The following COL4A5 variants were observed in gnomAD, a reference collection of about 807,000 sequenced individuals.
The protein encoded by COL4A5 is collagen type IV alpha 5 chain, also known as collagen alpha-5(IV) chain.
A neutral mutation model predicts 130.2 loss-of-function variants in COL4A5; 26 were observed. That is an observed-to-expected ratio of 0.20 (90% CI 0.15 to 0.28). The LOEUF is 0.28. Among genes scored for constraint, COL4A5 ranks in the 10% least tolerant of loss-of-function variants. COL4A5 has a pLI of 1.00. For synonymous variants in COL4A5, 496 were observed against 439.6 expected (o/e 1.13, Z -1.60); for missense variants, 1,131 against 1,344.3 (o/e 0.84, Z 2.48).
At chrX:108,474,727 T>C (rs1382049170) in intron 1 of COL4A5, among the ~76,000 whole-genome samples, 1 of 112,091 alleles carries the variant, frequency 8.9e-6, no homozygotes, top group Non-Finnish European at 1.9e-5. Context: ...CTAGTAATTT[T>C]ATAGTTTCAG....
At chrX:108,447,145 C>G (rs1483995720) in intron 1 of COL4A5, among the ~76,000 whole-genome samples, 2 of 111,267 alleles carry the variant, frequency 1.8e-5, no homozygotes, top group African/African-American at 6.5e-5. Flanking sequence ...TCTCACCAGC[C>G]CCTGCACTGT....
At position 108,507,350 on chromosome X, in the gene COL4A5, G is replaced by A. The variant is rs143628990; in HGVS notation, c.82-32396G>A. ...ATATAGTTGCACACAAAATCTAGCAGCACAACAAAAAGCTAATCCACTGCA... is the reference window on the plus strand; with the variant it reads ...ATATAGTTGCACACAAAATCTAGCAACACAACAAAAAGCTAATCCACTGCA... On this transcript the variant is annotated intron_variant, in intron 1 of 52. Transcript: ENST00000328300. Among the ~76,000 whole-genome samples the A allele has an allele frequency of 1.0e-3, 111 of 110,170 alleles. 4 individuals are homozygous for A. The East Asian group carries it at 0.031, about 30-fold the overall frequency.
chrX:108,485,316 A>G (rs2064933782), intron 1 of COL4A5, among the ~76,000 whole-genome samples: 1 of 111,785 alleles, frequency 8.9e-6, no homozygotes, highest in Admixed American at 9.4e-5. Flanking sequence ...GTTGGTACCT[A>G]AAGTGCAAGC....
intron 2 of COL4A5, among the ~76,000 whole-genome samples, chrX:108,550,282 AT>A (rs1327246619): frequency 8.9e-6 from 1 of 111,855 alleles, no homozygotes; most frequent in Non-Finnish European, 1.9e-5. Context: ...AATTATTAAA[AT>A]TTTAGCAAAT....
chrX:108,603,124 G>T, intron 28 of COL4A5, 63 bp downstream of exon 28: 1 of 744,447 alleles, frequency 1.3e-6, no homozygotes, highest in Admixed American at 2.7e-5. Flanking sequence ...CTTATTTCTA[G>T]CTCTCTATTT....
Position 108,578,277 on chromosome X carries a change from T to C in COL4A5, c.688-14T>C, listed in dbSNP as rs758036865. 5 of 1,201,000 alleles carry C rather than the reference T, an allele frequency of 4.2e-6. No individual in the cohort carries two copies. The highest frequency in any genetic ancestry group is 4.3e-5 in the Admixed American group (2 of 46,053). On this transcript the variant is annotated splice_polypyrimidine_tract_variant and intron_variant, in intron 12 of 52. Coordinates refer to ENST00000328300, the MANE Select transcript of COL4A5 (RefSeq NM_033380.3). ...ATGAAGTATCACCACTGTCTTATTTTATCTTGCAAACAGGGTGAGCAAGGT... is the reference window on the plus strand; with the variant it reads ...ATGAAGTATCACCACTGTCTTATTTCATCTTGCAAACAGGGTGAGCAAGGT...
chrX:108,579,045 A>C (rs2066201747), intron 13 of COL4A5, among the ~76,000 whole-genome samples: 1 of 101,569 alleles, frequency 9.8e-6, no homozygotes, highest in South Asian at 4.8e-4. Context: ...CACCCATTTA[A>C]AGTGTACAAT....
At chrX:108,679,867 A>G (rs2068390579) in intron 44 of COL4A5, among the ~76,000 whole-genome samples, 1 of 112,076 alleles carries the variant, frequency 8.9e-6, no homozygotes, top group Non-Finnish European at 1.9e-5. Flanking sequence ...ACCACACACC[A>G]GTCTTCTAAG....
In COL4A5 at chrX:108,694,438, T is replaced by C; in HGVS notation, c.4707-369T>C. On this transcript the variant is annotated intron_variant, in intron 50 of 52. Transcript: ENST00000328300. Reference sequence around the variant, plus strand: ...CATTGTTCTTACCACAGTTTCAGCATTACTAAATGTCTCCCCTCCAATTGA... The same window carrying C: ...CATTGTTCTTACCACAGTTTCAGCACTACTAAATGTCTCCCCTCCAATTGA... 3 of 227,450 alleles carry C rather than the reference T, an allele frequency of 1.3e-5. No individual in the cohort carries two copies. The South Asian group carries it at 1.9e-4, about 14-fold the overall frequency. The allele number at this position is 227,450 out of a possible 1,213,427, so 18.7% of individuals were successfully genotyped here.
At chrX:108,526,360 T>G (rs1485754008) in intron 1 of COL4A5, among the ~76,000 whole-genome samples, 1 of 111,778 alleles carries the variant, frequency 8.9e-6, no homozygotes, top group Non-Finnish European at 1.9e-5. Context: ...AAAACATAAA[T>G]TTCCCCACTT....
chrX:108,471,386 A>G (rs866368822), intron 1 of COL4A5, among the ~76,000 whole-genome samples: 30 of 111,270 alleles, frequency 2.7e-4, no homozygotes, highest in African/African-American at 9.8e-4. Flanking sequence ...ATATTCCTAC[A>G]TATTTTTTGG....
At chrX:108,666,374 G>T in intron 38 of COL4A5, 122 bp from the exon 39 acceptor site, 1 of 513,196 alleles carries the variant, frequency 1.9e-6, no homozygotes, top group Non-Finnish European at 3.4e-6. Context: ...ATAACATTTT[G>T]TGATCCAAAG....
At chrX:108,562,383 T>G (rs1267479365) in intron 3 of COL4A5, among the ~76,000 whole-genome samples, 1 of 111,948 alleles carries the variant, frequency 8.9e-6, no homozygotes, top group Admixed American at 9.5e-5. Context: ...TTGCACCCCA[T>G]GCTTGCTGAG....
At position 108,504,276 on chromosome X, in the gene COL4A5, T is replaced by C. The variant is rs753935049; in HGVS notation, c.82-35470T>C. ...GACTTAAATTTAAGACCTGAAACTA[T>C]ACAATTTTAGAAGAAAACATAGGAA... On this transcript the variant is annotated intron_variant, in intron 1 of 52. Transcript: ENST00000328300. Among the ~76,000 whole-genome samples, 10 of 111,855 alleles carry C rather than the reference T, an allele frequency of 8.9e-5. No individual in the cohort carries two copies. The South Asian group carries it at 3.7e-3, about 41-fold the overall frequency.
intron 36 of COL4A5, among the ~76,000 whole-genome samples, chrX:108,649,535 G>A (rs944545119): frequency 1.4e-4 from 16 of 112,008 alleles, no homozygotes; most frequent in Non-Finnish European, 2.8e-4. Context: ...CACCAAAACA[G>A]CATGGTACTG....
chrX:108,563,973 A>G (rs1434946215), intron 4 of COL4A5, 47 bp downstream of exon 4: 3 of 1,039,964 alleles, frequency 2.9e-6, no homozygotes, highest in Non-Finnish European at 4.0e-6. Context: ...GTGGAAACAG[A>G]TAGAGAACAA....
At chrX:108,622,640 A>G in intron 32 of COL4A5, 36 bp from the exon 33 acceptor site, 2 of 1,198,498 alleles carry the variant, frequency 1.7e-6, no homozygotes, top group East Asian at 5.9e-5. Flanking sequence ...GATGGATAAA[A>G]TTGATATATT....
At chrX:108,554,271 G>A (rs753829147) in intron 2 of COL4A5, among the ~76,000 whole-genome samples, 9 of 111,849 alleles carry the variant, frequency 8.0e-5, no homozygotes, top group Non-Finnish European at 1.1e-4. Context: ...ATGGCTGTGC[G>A]ACCTCAGGAA....
rs2065388067 is a variant in COL4A5, at chrX:108,531,712, A to C, written c.82-8034A>C. Reference sequence around the variant, plus strand: ...AAATTTGTAAACTGCTAGCTAGTCTAACCAAGAAAAGACCCAAATAAAATC... The same window carrying C: ...AAATTTGTAAACTGCTAGCTAGTCTCACCAAGAAAAGACCCAAATAAAATC... On this transcript the variant is annotated intron_variant, in intron 1 of 52. Coordinates refer to ENST00000328300, the MANE Select transcript of COL4A5 (RefSeq NM_033380.3). Among the ~76,000 whole-genome samples, 5 of 111,274 alleles carry C rather than the reference A, an allele frequency of 4.5e-5. No homozygotes were observed. The Admixed American group carries it at 4.8e-4, about 11-fold the overall frequency.
Sources: gnomAD v4.1 joint callset for allele counts (sites outside exome capture counted in the v4.1 genomes callset) on GRCh38, gnomAD v4.1.1 for gene constraint, MANE v1.5 for transcripts, NCBI Gene and HGNC (gene_info 2026-07-23, HGNC 2026-07-21) for gene names.